OTUD4: variants seen among roughly 807,000 people sequenced by gnomAD.
OTUD4 encodes the protein OTU domain-containing protein 4.
OTUD4 carries 24 observed loss-of-function variants against 130.4 expected under a neutral mutation model. The observed-to-expected ratio is 0.18, with a 90% CI of 0.13 to 0.26. The LOEUF is 0.26. OTUD4 is among the 10% of genes least tolerant of loss of function. The pLI is 1.00. For synonymous variants in OTUD4, 420 were observed against 472.5 expected, an observed-to-expected ratio of 0.89 and a Z score of 1.44; for missense variants, 1,031 against 1,329.4, an observed-to-expected ratio of 0.78 and a Z score of 3.49.
Position 145,138,517 on chromosome 4 carries a change from G to C in OTUD4, c.2258C>G (p.Pro753Arg), listed in dbSNP as rs762964107. 6.2e-6 allele frequency: 10 copies of C among 1,614,182 alleles called. No homozygotes were observed. Among genetic ancestry groups the C allele is most frequent in the Non-Finnish European group, 8.5e-6 (10 of 1,180,034 alleles). ...YPHNPWFQEA[P>R]AAQNESDCTC... ...ACAATCACTTTCATTCTGAGCAGCA[G>C]GAGCCTCTTGGAACCAGGGATTATG... The change falls in exon 21 of 21, where the codon CCT becomes CGT. Residue 753 changes from proline (P) to arginine (R), a missense_variant. Around this residue, in one of 3 missense-constraint regions of OTUD4, gnomAD observed 900 missense variants for 1,095.9 expected, o/e 0.82. Transcript: ENST00000447906.
At chr4:145,156,095 C>A in intron 7 of OTUD4, 99 bp from the exon 8 acceptor site, 2 of 874,472 alleles carry the variant, frequency 2.3e-6, no homozygotes, top group East Asian at 2.5e-5. Context: ...AACTATGCTC[C>A]AAAAAGAGCT....
intron 6 of OTUD4, among the ~76,000 whole-genome samples, chr4:145,161,284 T>C (rs1270773590): frequency 1.1e-4 from 17 of 152,110 alleles, no homozygotes; most frequent in Admixed American, 1.1e-3. Flanking sequence ...AAAGACAAGC[T>C]CTAGGAGCTA....
intron 2 of OTUD4, among the ~76,000 whole-genome samples, chr4:145,172,364 C>A (rs1463934499): frequency 6.6e-6 from 1 of 152,186 alleles, no homozygotes. Context: ...CATTGTCTCT[C>A]AAGTGATACT....
Position 145,143,998 on chromosome 4 carries a change from G to C in OTUD4, c.1550C>G (p.Ser517Cys), listed in dbSNP as rs1468265668. 1 of 1,611,452 alleles carries C rather than the reference G, an allele frequency of 6.2e-7. No homozygotes were observed. The highest frequency in any genetic ancestry group is 1.7e-5 in the Admixed American group (1 of 60,010). The change falls in exon 16 of 21, where the codon TCT (serine) becomes TGT (cysteine). Residue 517 changes from serine to cysteine, a missense_variant. Ser to Cys is a moderately radical substitution (Grantham distance 112). Coordinates refer to ENST00000447906, the MANE Select transcript of OTUD4 (RefSeq NM_001366057.1). ...MDTEERKDKD[S>C]IHGHSQLDKR... ...ATCCAACTGACTATGTCCATGAATA[G>C]AGTCTATAGCAGATCAAGATTAAAA...
At chr4:145,153,391 C>A (rs1751151395) in intron 10 of OTUD4, among the ~76,000 whole-genome samples, 1 of 152,132 alleles carries the variant, frequency 6.6e-6, no homozygotes, top group Admixed American at 6.6e-5. Flanking sequence ...TCAGTTTCCT[C>A]ATAATGCAAA....
intron 7 of OTUD4, among the ~76,000 whole-genome samples, chr4:145,158,848 TC>T (rs1751423296): frequency 6.6e-6 from 1 of 152,234 alleles, no homozygotes; most frequent in South Asian, 2.1e-4. Flanking sequence ...ACTGATTATA[TC>T]CTAATTTTAG....
chr4:145,165,332 T>C, intron 3 of OTUD4, 135 bp from the exon 4 acceptor site: 1 of 544,722 alleles, frequency 1.8e-6, no homozygotes, highest in East Asian at 2.9e-5. Flanking sequence ...ATTGTGAATA[T>C]TATAAAAACG....
intron 3 of OTUD4, among the ~76,000 whole-genome samples, chr4:145,168,413 T>TAA (rs11432018): frequency 0.28 from 33,779 of 122,670 alleles, 5,669 homozygotes; most frequent in Non-Finnish European, 0.37. Flanking sequence ...AATAAAAAAT[T>TAA]AAAAAAAAAA....
intron 1 of OTUD4, among the ~76,000 whole-genome samples, chr4:145,177,239 A>G (rs1752470408): frequency 6.6e-6 from 1 of 152,254 alleles, no homozygotes; most frequent in Non-Finnish European, 1.5e-5. Context: ...TTACCTAGCA[A>G]CAGGTGGCAA....
intron 3 of OTUD4, among the ~76,000 whole-genome samples, chr4:145,166,666 CCCATCTCTACT>C (rs1168506017): frequency 1.4e-4 from 22 of 152,198 alleles, no homozygotes; most frequent in African/African-American, 5.1e-4. Flanking sequence ...ACAGTGAAAC[CCCATCTCTACT>C]AAAAATACAA....
intron 17 of OTUD4, 56 bp downstream of exon 17, chr4:145,143,309 G>T: frequency 9.1e-7 from 1 of 1,101,470 alleles, no homozygotes; most frequent in Non-Finnish European, 1.4e-6. Context: ...CCTATACACA[G>T]AGCACAGAAA....
chr4:145,179,889 G>C lies in OTUD4; in HGVS notation c.85C>G (p.Leu29Val). ...REDATPMDAY[L>V]RKLGLYRKLV... ...TTCCGATACAAGCCCAGTTTCCGCA[G>C]ATAGGCGTCCATGGGCGTCGCGTCC... The change falls in exon 1 of 21, where the codon CTG (leucine) becomes GTG (valine). Residue 29 changes from leucine (L) to valine (V), a missense_variant. Leu to Val is a conservative substitution (Grantham distance 32). Coordinates refer to ENST00000447906, the MANE Select transcript of OTUD4 (RefSeq NM_001366057.1). The C allele has an allele frequency of 5.2e-6, 8 of 1,528,522 alleles. No individual in the cohort carries two copies. Among genetic ancestry groups the C allele is most frequent in the Non-Finnish European group, 7.0e-6 (8 of 1,143,816 alleles). The allele number at this position is 1,528,522 out of a possible 1,614,324, so 94.7% of individuals were successfully genotyped here. A position where few individuals can be genotyped will look rare whatever the true frequency, so the allele number is the denominator to read the frequency against.
chr4:145,143,340 A>G (rs200380416), intron 17 of OTUD4, 25 bp downstream of exon 17: 11 of 1,430,200 alleles, frequency 7.7e-6, no homozygotes, highest in African/African-American at 4.2e-5. Context: ...GGAGCATTCA[A>G]TGTTAAATGC....
chr4:145,167,550 C>T (rs1579283189), intron 3 of OTUD4, among the ~76,000 whole-genome samples: 1 of 152,104 alleles, frequency 6.6e-6, no homozygotes, highest in African/African-American at 2.4e-5. Flanking sequence ...AGAAGTATTA[C>T]ATCACTTTAA....
At chr4:145,152,377 C>G (rs1035295857) in intron 11 of OTUD4, among the ~76,000 whole-genome samples, 164 bp downstream of exon 11, 1 of 152,146 alleles carries the variant, frequency 6.6e-6, no homozygotes, top group Admixed American at 6.5e-5. Flanking sequence ...TCCCAAAGTG[C>G]TAGGATTACA....
chr4:145,175,772 T>C (rs1373586238), intron 1 of OTUD4, among the ~76,000 whole-genome samples: 2 of 152,092 alleles, frequency 1.3e-5, no homozygotes, highest in Admixed American at 6.5e-5. Context: ...CTCAAACTCC[T>C]GACCTCGTGA....
At chr4:145,177,216 G>C (rs1430241413) in intron 1 of OTUD4, among the ~76,000 whole-genome samples, 1 of 152,222 alleles carries the variant, frequency 6.6e-6, no homozygotes, top group Admixed American at 6.5e-5. Flanking sequence ...CGTGGAGCTA[G>C]TCTTAAAGCC....
chr4:145,179,403 A>G lies in OTUD4; in HGVS notation c.159+412T>C, dbSNP rs1405418338. ...ATGTTCCACAAGTAAAGTTTGATCCACCACTTCTAGTAAACACTTGGTTTA... is the reference window on the plus strand; with the variant it reads ...ATGTTCCACAAGTAAAGTTTGATCCGCCACTTCTAGTAAACACTTGGTTTA... On this transcript the variant is annotated intron_variant, in intron 1 of 20. Transcript: ENST00000447906. Among the ~76,000 whole-genome samples, 13 of 152,322 alleles carry G rather than the reference A, an allele frequency of 8.5e-5. No individual in the cohort carries two copies. The East Asian group carries it at 2.5e-3, about 29-fold the overall frequency.
chr4:145,163,703 C>CTTT (rs11430342), intron 5 of OTUD4, among the ~76,000 whole-genome samples: 32 of 126,496 alleles, frequency 2.5e-4, no homozygotes, highest in African/African-American at 8.3e-4. Flanking sequence ...TAATAGGAAC[C>CTTT]TTTTTTTTTT....
Sources: allele counts gnomAD v4.1 joint callset (sites outside exome capture counted in the v4.1 genomes callset), GRCh38; gene constraint gnomAD v4.1.1; regional missense constraint gnomAD v4.1.1; transcripts MANE v1.5; gene names NCBI Gene and HGNC (gene_info 2026-07-23, HGNC 2026-07-21).